LDB2: variants seen among roughly 807,000 people sequenced by gnomAD.
The protein encoded by LDB2 is LIM domain-binding protein 2.
LDB2 carries 12 observed loss-of-function variants against 44.3 expected under a neutral mutation model. The observed-to-expected ratio is 0.27, with a 90% CI of 0.17 to 0.44. LDB2 has a LOEUF of 0.44. Ranked by LOEUF, LDB2 falls within the 20% of genes least tolerant of loss-of-function variation. The pLI is 1.00. For synonymous variants in LDB2, 164 were observed against 174.8 expected (o/e 0.94, Z 0.49); for missense variants, 344 against 473.5 (o/e 0.73, Z 2.54).
intron 1 of LDB2, among the ~76,000 whole-genome samples, chr4:16,760,810 G>A (rs1579412079): frequency 6.6e-6 from 1 of 152,292 alleles, no homozygotes; most frequent in South Asian, 2.1e-4. Context: ...TGGAAGTGGA[G>A]GAATCTGCCA....
chr4:16,579,699 C>T (rs1713506394), intron 5 of LDB2, among the ~76,000 whole-genome samples: 1 of 152,138 alleles, frequency 6.6e-6, no homozygotes, highest in Admixed American at 6.5e-5. Context: ...AAATGAATCA[C>T]ATGTTTTTTT....
intron 6 of LDB2, among the ~76,000 whole-genome samples, chr4:16,509,016 C>T (rs1247411220): frequency 6.6e-6 from 1 of 151,978 alleles, no homozygotes. Flanking sequence ...AATATTTTGC[C>T]ATTAGAAAAT....
chr4:16,757,489 A>C (rs1186986698), intron 2 of LDB2, among the ~76,000 whole-genome samples: 1 of 152,152 alleles, frequency 6.6e-6, no homozygotes. Context: ...GGACAGAGGG[A>C]AGAGCCAGAA....
chr4:16,519,986 G>T (rs1725367540), intron 5 of LDB2, among the ~76,000 whole-genome samples: 1 of 152,010 alleles, frequency 6.6e-6, no homozygotes, highest in African/African-American at 2.4e-5. Flanking sequence ...AGGGTCACTA[G>T]ATAACAATGA....
At chr4:16,561,200 G>A (rs1268350284) in intron 5 of LDB2, among the ~76,000 whole-genome samples, 1 of 152,078 alleles carries the variant, frequency 6.6e-6, no homozygotes, top group Non-Finnish European at 1.5e-5. Context: ...TCAACATAGT[G>A]TTGGAAGTTC....
In LDB2 at chr4:16,516,067, C is replaced by T. The variant is rs539205044; in HGVS notation, c.616-3963G>A. ...TTTTTTAGTAGAGACGGGATTTCAC[C>T]GTGTGTCCAGGATGGTCTCAATCTC... is the stretch of plus-strand genomic sequence containing the variant. On this transcript the variant is annotated intron_variant, in intron 5 of 7. Transcript: ENST00000304523. Among the ~76,000 whole-genome samples, 14 of 151,642 alleles carry T rather than the reference C, an allele frequency of 9.2e-5. No individual in the cohort carries two copies. The South Asian group carries it at 1.0e-3, about 11-fold the overall frequency.
At chr4:16,710,631 T>A (rs1755656775) in intron 2 of LDB2, among the ~76,000 whole-genome samples, 1 of 152,114 alleles carries the variant, frequency 6.6e-6, no homozygotes, top group Non-Finnish European at 1.5e-5. Flanking sequence ...CCCTGTGTAG[T>A]CAACAGGAAG....
intron 2 of LDB2, among the ~76,000 whole-genome samples, chr4:16,713,230 A>G (rs73241013): frequency 0.083 from 12,630 of 152,232 alleles, 816 homozygotes; most frequent in East Asian, 0.4. Context: ...GTCTTACTGG[A>G]GTGATGGAAG....
intron 2 of LDB2, among the ~76,000 whole-genome samples, chr4:16,695,532 G>C (rs1394638956): frequency 6.6e-6 from 1 of 151,872 alleles, no homozygotes; most frequent in East Asian, 1.9e-4. Context: ...AAAACATAGT[G>C]CTTTAAAATA....
chr4:16,856,035 G>A (rs2110219462), intron 1 of LDB2, among the ~76,000 whole-genome samples: 1 of 152,254 alleles, frequency 6.6e-6, no homozygotes, highest in South Asian at 2.1e-4. Flanking sequence ...TATCTCAAGA[G>A]ATTTCCAGAG....
At chr4:16,687,689 T>C (rs1356324917) in intron 2 of LDB2, among the ~76,000 whole-genome samples, 1 of 152,088 alleles carries the variant, frequency 6.6e-6, no homozygotes, top group African/African-American at 2.4e-5. Flanking sequence ...TGTAAGGAAC[T>C]CTGCACCCTC....
At chr4:16,505,186 C>A (rs982815608) in intron 7 of LDB2, among the ~76,000 whole-genome samples, 2 of 152,164 alleles carry the variant, frequency 1.3e-5, no homozygotes, top group African/African-American at 4.8e-5. Flanking sequence ...ATGGAGCCAA[C>A]AGGCTTGTAA....
At chr4:16,663,375 G>A (rs992733520) in intron 2 of LDB2, among the ~76,000 whole-genome samples, 2 of 152,160 alleles carry the variant, frequency 1.3e-5, no homozygotes, top group African/African-American at 2.4e-5. Flanking sequence ...TAATTGGGAC[G>A]TAACTGAGTA....
intron 2 of LDB2, among the ~76,000 whole-genome samples, chr4:16,644,090 G>A (rs1274061597): frequency 4.6e-5 from 7 of 152,280 alleles, no homozygotes; most frequent in African/African-American, 1.7e-4. Flanking sequence ...TCTACGGTCT[G>A]ACAGAGAAAC....
chr4:16,724,923 A>AAGCATAGG (rs1187066712), intron 2 of LDB2, among the ~76,000 whole-genome samples: 1 of 152,150 alleles, frequency 6.6e-6, no homozygotes, highest in Non-Finnish European at 1.5e-5. Context: ...TTTATTTTAG[A>AAGCATAGG]AGCATAGGAA....
Position 16,508,572 on chromosome 4 carries a change from GTCT to G in LDB2, c.851_853del (p.Lys284del), listed in dbSNP as rs757441106. ...GGACAGACTCAGGTTTGCAGCTGTGGTCTTCTTCTTGCTGCCAGTGCTGTTTGC... is the reference window on the plus strand; with the variant it reads ...GGACAGACTCAGGTTTGCAGCTGTGGTCTTCTTGCTGCCAGTGCTGTTTGC... On this transcript the variant is annotated inframe_deletion, in exon 7 of 8. Transcript: ENST00000304523. The G allele has an allele frequency of 6.8e-6, 11 of 1,609,036 alleles. No homozygotes were observed. The highest frequency in any genetic ancestry group is 1.3e-5 in the African/African-American group (1 of 74,908).
At chr4:16,759,353 T>C in intron 1 of LDB2, 93 bp from the exon 2 acceptor site, 2 of 904,390 alleles carry the variant, frequency 2.2e-6, no homozygotes, top group South Asian at 2.8e-5. Flanking sequence ...ACTCAGCTGC[T>C]CCTTGCTCAT....
rs1561128902 is a variant in LDB2, at chr4:16,759,278, A to G, written c.133-18T>C. The stretch of plus-strand genomic sequence containing the variant: ...TCACTATCCTGCAAAGAGACAGATC[A>G]TTTATTTAACAAGGGAAAGTGGGAA... On this transcript the variant is annotated intron_variant, in intron 1 of 7. Coordinates refer to ENST00000304523, the MANE Select transcript of LDB2 (RefSeq NM_001290.5). 5 of 1,539,530 alleles carry G rather than the reference A, an allele frequency of 3.2e-6. 1 individual carries two copies. In the Admixed American group the frequency reaches 5.0e-5, roughly 15 times the overall value.
intron 1 of LDB2, among the ~76,000 whole-genome samples, chr4:16,829,341 A>G (rs564226074): frequency 6.6e-6 from 1 of 152,350 alleles, no homozygotes; most frequent in African/African-American, 2.4e-5. Flanking sequence ...AAAGTTCCCA[A>G]TACAAAACAG....
Sources: allele counts gnomAD v4.1 joint callset (sites outside exome capture counted in the v4.1 genomes callset), GRCh38; gene constraint gnomAD v4.1.1; transcripts MANE v1.5; gene names NCBI Gene and HGNC (gene_info 2026-07-23, HGNC 2026-07-21).